The following NARS1 variants were observed in gnomAD, a reference collection of about 807,000 sequenced individuals.
NARS1 encodes asparagine--tRNA ligase, cytoplasmic.
In NARS1, 65 loss-of-function variants were observed where a neutral mutation model predicts 79.2. The ratio of observed to expected loss-of-function variants is 0.82; its 90% CI spans 0.67 to 1.01. The LOEUF (loss-of-function observed/expected upper bound fraction) is 1.01, where lower values mean the gene tolerates loss of function less well. NARS1 is among the 50% of genes least tolerant of loss of function. The pLI, the probability that NARS1 is intolerant of heterozygous loss-of-function variation, is 0.00. For synonymous variants in NARS1, 229 were observed against 238.8 expected (o/e 0.96, Z 0.38); for missense variants, 649 against 673.8 (o/e 0.96, Z 0.41).
At chr18:57,620,505 C>T (rs1908253490) in intron 2 of NARS1, 64 bp downstream of exon 2, 3 of 1,158,072 alleles carry the variant, frequency 2.6e-6, no homozygotes, top group Admixed American at 2.1e-5. Context: ...TGGCAAGTCA[C>T]AAGAAAATTG....
Position 57,601,213 on chromosome 18 carries a change from T to G in NARS1, c.*439A>C, listed in dbSNP as rs1170399367. The G allele has an allele frequency of 6.5e-6, 1 of 154,120 alleles. No individual in the cohort carries two copies. Among genetic ancestry groups the G allele is most frequent in the Non-Finnish European group, 1.4e-5 (1 of 69,274 alleles). 9.5% of individuals were successfully genotyped at this position (154,120 alleles called of 1,614,324 possible). A position where few individuals can be genotyped will look rare whatever the true frequency, so the allele number is the denominator to read the frequency against. ...TGCCAATTTCTTCCCCCAAGATTTTTGTTTTAATTCATTGATGCAATAAAA... is the reference window on the plus strand; with the variant it reads ...TGCCAATTTCTTCCCCCAAGATTTTGGTTTTAATTCATTGATGCAATAAAA... On this transcript the variant is annotated 3_prime_UTR_variant, in exon 14 of 14. Coordinates refer to ENST00000256854, the MANE Select transcript of NARS1 (RefSeq NM_004539.4).
At chr18:57,604,658 G>A (rs928948254) in intron 11 of NARS1, among the ~76,000 whole-genome samples, 8 of 152,142 alleles carry the variant, frequency 5.3e-5, no homozygotes, top group African/African-American at 1.9e-4. Flanking sequence ...GGAAAGCTGG[G>A]GTGGGAGGAC....
Position 57,611,701 on chromosome 18 carries a change from T to A in NARS1, c.428A>T (p.Asn143Ile). 1 of 1,580,980 alleles carries A rather than the reference T, an allele frequency of 6.3e-7. No individual in the cohort carries two copies. Among genetic ancestry groups the A allele is most frequent in the Non-Finnish European group, 8.6e-7 (1 of 1,162,572 alleles). The change falls in exon 6 of 14, where the codon AAT becomes ATT. Residue 143 changes from asparagine to isoleucine, a missense_variant. Transcript: ENST00000256854. ...WVHRLRRQGK[N>I]LMFLVLRDGT... Reference sequence around the variant, plus strand: ...ATCTCGCAACACCAGAAACATTAAATTCTTTCCTAAAAAATGAGAAATAAT... The same window carrying A: ...ATCTCGCAACACCAGAAACATTAAAATCTTTCCTAAAAAATGAGAAATAAT...
chr18:57,615,551 G>T, intron 4 of NARS1, 90 bp downstream of exon 4: 1 of 835,952 alleles, frequency 1.2e-6, no homozygotes. Context: ...AAAATGTAAA[G>T]GAACAAACCA....
chr18:57,613,123 T>C (rs922926449), intron 5 of NARS1, among the ~76,000 whole-genome samples: 12 of 151,998 alleles, frequency 7.9e-5, no homozygotes, highest in Non-Finnish European at 1.6e-4. Flanking sequence ...AGGTGCTATG[T>C]GCCTGTAATC....
At chr18:57,612,023 CTGATATTACAGGT>C (rs1469528623) in intron 5 of NARS1, among the ~76,000 whole-genome samples, 5 of 152,160 alleles carry the variant, frequency 3.3e-5, no homozygotes, top group African/African-American at 9.7e-5. Context: ...TCCCAAAGCG[CTGATATTACAGGT>C]GTGAGCCACT....
chr18:57,614,293 G>A (rs368495222), intron 4 of NARS1, among the ~76,000 whole-genome samples: 2 of 152,144 alleles, frequency 1.3e-5, no homozygotes, highest in East Asian at 3.8e-4. Context: ...CTGAGGTCAG[G>A]AGTTTGAGAC....
rs2051515960 is a variant in NARS1 at position 57,602,427 on chromosome 18, A to G, written c.1443T>C (p.Asp481=). Residue 481 remains aspartate (D), a synonymous_variant, in exon 13 of 14, where the codon GAT becomes GAC. Transcript: ENST00000256854. The part of the protein sequence containing the change: ...EIVGGSMRIF[D]SEEILAGYKR... ...TATAACCTGCCAGTATTTCTTCACT[A>G]TCAAAGATACGCATTGAGCCTCCCA... is the stretch of plus-strand genomic sequence containing the variant. 5 of 1,613,898 alleles carry G rather than the reference A, an allele frequency of 3.1e-6. No individual in the cohort carries two copies. The South Asian group carries it at 5.5e-5, about 18-fold the overall frequency.
chr18:57,617,663 T>A (rs1908109784), intron 2 of NARS1, among the ~76,000 whole-genome samples: 1 of 150,136 alleles, frequency 6.7e-6, no homozygotes. Context: ...ACGCCTATAA[T>A]CCTAGCACTT....
chr18:57,606,711 CAAA>C lies in NARS1; in HGVS notation c.1039_1041del (p.Phe347del), dbSNP rs1262314203. On this transcript the variant is annotated inframe_deletion, in exon 10 of 14. Transcript: ENST00000256854. Reference sequence around the variant, plus strand: ...TCCTCCAACCGGTTCAGGAGGTCGTCAAAAGTCAGGAAAGGACACTCAGCTTCC... The same window carrying C: ...TCCTCCAACCGGTTCAGGAGGTCGTCAGTCAGGAAAGGACACTCAGCTTCC... The C allele has an allele frequency of 6.2e-7, 1 of 1,614,130 alleles. No homozygotes were observed. The highest frequency in any genetic ancestry group is 8.5e-7 in the Non-Finnish European group (1 of 1,180,026).
At chr18:57,606,051 T>C in intron 10 of NARS1, 81 bp from the exon 11 acceptor site, 1 of 933,556 alleles carries the variant, frequency 1.1e-6, no homozygotes, top group Non-Finnish European at 1.6e-6. Flanking sequence ...AAAAAACTAT[T>C]ATAAAGTATT....
chr18:57,604,202 G>A (rs2051534695), intron 11 of NARS1, among the ~76,000 whole-genome samples: 1 of 152,126 alleles, frequency 6.6e-6, no homozygotes, highest in Non-Finnish European at 1.5e-5. Flanking sequence ...CTAAGTATTA[G>A]GAACACTAAA....
In NARS1 at chr18:57,611,701, T is replaced by C; in HGVS notation, c.428A>G (p.Asn143Ser). 6.3e-7 allele frequency: 1 copy of C among 1,580,980 alleles called. No individual in the cohort carries two copies. Among genetic ancestry groups the C allele is most frequent in the South Asian group, 1.2e-5 (1 of 85,530 alleles). The change falls in exon 6 of 14, where the codon AAT (asparagine) becomes AGT (serine). Residue 143 changes from asparagine to serine, a missense_variant. By Grantham distance (46) the Asn-to-Ser change is conservative. Transcript: ENST00000256854. ...WVHRLRRQGKNLMFLVLRDGT... is the reference protein window; with the variant it reads ...WVHRLRRQGKSLMFLVLRDGT... ...ATCTCGCAACACCAGAAACATTAAA[T>C]TCTTTCCTAAAAAATGAGAAATAAT...
chr18:57,607,070 C>T, intron 9 of NARS1, 64 bp downstream of exon 9: 1 of 1,452,994 alleles, frequency 6.9e-7, no homozygotes, highest in East Asian at 2.3e-5. Context: ...AATTTACCTA[C>T]ACTAAGATTT....
At chr18:57,604,657 G>A (rs2051538993) in intron 11 of NARS1, among the ~76,000 whole-genome samples, 1 of 151,842 alleles carries the variant, frequency 6.6e-6, no homozygotes, top group Admixed American at 6.6e-5. Context: ...TGGAAAGCTG[G>A]GGTGGGAGGA....
rs1349632385 is a variant in NARS1, at chr18:57,602,438, G to A, written c.1432C>T (p.Arg478Cys). The change falls in exon 13 of 14, where the codon CGT (arginine) becomes TGT (cysteine). Residue 478 changes from arginine (R) to cysteine (C), a missense_variant. Physicochemically the swap from Arg to Cys is radical, Grantham distance 180. Transcript: ENST00000256854. ...AGTATTTCTTCACTATCAAAGATAC[G>A]CATTGAGCCTCCCACAATCTCACCA... ...NVGEIVGGSM[R>C]IFDSEEILAG... is the part of the protein sequence containing the mutation. The A allele has an allele frequency of 3.1e-6, 5 of 1,613,572 alleles. No individual in the cohort carries two copies. Among genetic ancestry groups the A allele is most frequent in the Non-Finnish European group, 3.4e-6 (4 of 1,179,630 alleles).
At chr18:57,616,627 T>C (rs1283282128) in intron 2 of NARS1, among the ~76,000 whole-genome samples, 2 of 152,086 alleles carry the variant, frequency 1.3e-5, no homozygotes, top group Admixed American at 6.6e-5. Context: ...CAACTGCAAG[T>C]GACATCTAAA....
chr18:57,620,674 G>A (rs1199380816), intron 1 of NARS1, 23 bp from the exon 2 acceptor site: 3 of 1,517,180 alleles, frequency 2.0e-6, no homozygotes, highest in African/African-American at 2.8e-5. Flanking sequence ...ATGAGGGTAA[G>A]TTATGGTCTG....
Position 57,621,785 on chromosome 18 carries a change from C to G in NARS1, c.-68G>C. The stretch of plus-strand genomic sequence containing the variant: ...CACCGACGCCGTCTTATGACTCCAA[C>G]GTGCACCGGCGGTTTCCGCGATTCC... On this transcript the variant is annotated 5_prime_UTR_variant, in exon 1 of 14. Coordinates refer to ENST00000256854, the MANE Select transcript of NARS1 (RefSeq NM_004539.4). 1 of 1,611,106 alleles carries G rather than the reference C, an allele frequency of 6.2e-7. No homozygotes were observed. Among genetic ancestry groups the G allele is most frequent in the Non-Finnish European group, 8.5e-7 (1 of 1,179,286 alleles).
Sources: allele counts gnomAD v4.1 joint callset (sites outside exome capture counted in the v4.1 genomes callset), GRCh38; gene constraint gnomAD v4.1.1; transcripts MANE v1.5; gene names NCBI Gene and HGNC (gene_info 2026-07-23, HGNC 2026-07-21).